The following RYR3 variants were observed in gnomAD, a reference collection of about 807,000 sequenced individuals.
RYR3 encodes brain ryanodine receptor-calcium release channel.
Under a neutral mutation model 584.3 loss-of-function variants are expected in RYR3, and 207 were observed. That is an observed-to-expected ratio of 0.35 (90% CI 0.32 to 0.40). The LOEUF is 0.40. Ranked by LOEUF, RYR3 falls within the 10% of genes least tolerant of loss-of-function variation. RYR3 has a pLI of 1.00. For synonymous variants in RYR3, 2,416 were observed against 2,248.5 expected, an observed-to-expected ratio of 1.07 and a Z score of -2.11; for missense variants, 5,616 against 6,089.2, an observed-to-expected ratio of 0.92 and a Z score of 2.59.
chr15:33,315,855 G>A (rs147636238), intron 1 of RYR3, among the ~76,000 whole-genome samples: 1 of 152,332 alleles, frequency 6.6e-6, no homozygotes, highest in Non-Finnish European at 1.5e-5. Flanking sequence ...TGATCTCCTG[G>A]GAAGGAGGTG....
chr15:33,783,685 G>A (rs567869913), intron 65 of RYR3, among the ~76,000 whole-genome samples: 1 of 152,206 alleles, frequency 6.6e-6, no homozygotes, highest in Non-Finnish European at 1.5e-5. Context: ...TATGGCAGTG[G>A]CATTGTTCTG....
At chr15:33,756,896 G>A (rs377649238) in intron 59 of RYR3, among the ~76,000 whole-genome samples, 1 of 152,248 alleles carries the variant, frequency 6.6e-6, no homozygotes, top group East Asian at 1.9e-4. Flanking sequence ...GAAGGCACAG[G>A]ACCTGTTTAA....
intron 18 of RYR3, among the ~76,000 whole-genome samples, chr15:33,609,253 A>C (rs1417278686): frequency 2.0e-5 from 3 of 152,264 alleles, no homozygotes; most frequent in Admixed American, 6.5e-5. Flanking sequence ...GGTCTTCCTC[A>C]GTTCACAAAT....
intron 45 of RYR3, among the ~76,000 whole-genome samples, chr15:33,724,835 A>T (rs1325463829): frequency 1.3e-5 from 2 of 152,114 alleles, no homozygotes; most frequent in African/African-American, 4.8e-5. Context: ...CTGAATTCCT[A>T]GGATTCCAAT....
At chr15:33,347,547 T>C (rs1020209735) in intron 1 of RYR3, among the ~76,000 whole-genome samples, 7 of 151,648 alleles carry the variant, frequency 4.6e-5, no homozygotes, top group Admixed American at 3.9e-4. Flanking sequence ...CCCGGGGTCA[T>C]GCCATTCTCC....
chr15:33,756,645 G>T (rs541785900), intron 59 of RYR3, among the ~76,000 whole-genome samples: 3 of 152,132 alleles, frequency 2.0e-5, no homozygotes, highest in Non-Finnish European at 4.4e-5. Flanking sequence ...GCGTGGTTCA[G>T]ACAGGCTCAC....
intron 98 of RYR3, 90 bp downstream of exon 98, chr15:33,855,002 G>C: frequency 7.8e-7 from 1 of 1,274,960 alleles, no homozygotes; most frequent in Non-Finnish European, 1.0e-6. Context: ...TGACAGGAAG[G>C]AATATGTCTT....
chr15:33,697,592 C>G (rs1470933325), intron 39 of RYR3, among the ~76,000 whole-genome samples: 2 of 151,988 alleles, frequency 1.3e-5, no homozygotes, highest in Non-Finnish European at 2.9e-5. Context: ...TCATTGATAT[C>G]TAAAATTATT....
intron 16 of RYR3, among the ~76,000 whole-genome samples, chr15:33,598,179 T>A: frequency 1.1e-5 from 1 of 90,116 alleles, no homozygotes; most frequent in Non-Finnish European, 2.0e-5. Context: ...ATAACTATTT[T>A]AATTACAAAA....
At chr15:33,813,317 A>G (rs1414032649) in intron 73 of RYR3, 150 bp from the exon 74 acceptor site, 3 of 677,236 alleles carry the variant, frequency 4.4e-6, no homozygotes, top group South Asian at 3.8e-5. Flanking sequence ...GACTTTCACA[A>G]CTGAAATCAT....
intron 55 of RYR3, among the ~76,000 whole-genome samples, chr15:33,749,097 C>T (rs546000152): frequency 3.3e-5 from 5 of 152,202 alleles, no homozygotes; most frequent in South Asian, 2.1e-4. Context: ...AGATGCAGAA[C>T]GCATGGTTAA....
chr15:33,580,413 C>G (rs1274849587), intron 13 of RYR3, among the ~76,000 whole-genome samples: 3 of 152,150 alleles, frequency 2.0e-5, no homozygotes, highest in African/African-American at 7.2e-5. Flanking sequence ...TAAATTTCAG[C>G]TGTGAGAGCA....
intron 55 of RYR3, among the ~76,000 whole-genome samples, chr15:33,749,044 AT>A (rs2071025127): frequency 6.6e-6 from 1 of 152,164 alleles, no homozygotes; most frequent in Admixed American, 6.6e-5. Context: ...GTACAGACAC[AT>A]TTTTTTCCAA....
chr15:33,527,890 G>A (rs960344733), intron 3 of RYR3, among the ~76,000 whole-genome samples: 9 of 152,272 alleles, frequency 5.9e-5, no homozygotes, highest in African/African-American at 1.9e-4. Context: ...GGTGGCAATA[G>A]AATGGACTAG....
chr15:33,382,273 A>G (rs992223266), intron 1 of RYR3, among the ~76,000 whole-genome samples: 3 of 150,420 alleles, frequency 2.0e-5, no homozygotes, highest in African/African-American at 7.3e-5. Flanking sequence ...GCATTAGTAT[A>G]GGTACCAACA....
At chr15:33,839,852 C>G (rs1181167334) in intron 89 of RYR3, 1 of 152,202 alleles carries the variant, frequency 6.6e-6, no homozygotes, top group Non-Finnish European at 1.5e-5. Context: ...TCAGAATCAG[C>G]ATTCCCACAA....
intron 16 of RYR3, among the ~76,000 whole-genome samples, chr15:33,587,691 G>C (rs2058924922): frequency 6.6e-6 from 1 of 152,180 alleles, no homozygotes; most frequent in South Asian, 2.1e-4. Flanking sequence ...GTACATAAGA[G>C]TCTTTTCAAA....
intron 36 of RYR3, among the ~76,000 whole-genome samples, chr15:33,664,614 T>TATATATATATATATATATATATACAC (rs1491296584): frequency 3.3e-5 from 4 of 120,532 alleles, no homozygotes; most frequent in East Asian, 2.3e-4. Context: ...TATATATATA[T>TATATATATATATATATATATATACAC]ACGTATGTAT....
intron 52 of RYR3, among the ~76,000 whole-genome samples, 191 bp downstream of exon 52, chr15:33,742,635 G>T (rs1441727158): frequency 6.6e-6 from 1 of 152,180 alleles, no homozygotes; most frequent in Non-Finnish European, 1.5e-5. Context: ...GCAGCTGCTG[G>T]TGTTGCTTTT....
Sources: gnomAD v4.1 joint callset for allele counts (sites outside exome capture counted in the v4.1 genomes callset) on GRCh38, gnomAD v4.1.1 for gene constraint, MANE v1.5 for transcripts, NCBI Gene and HGNC (gene_info 2026-07-23, HGNC 2026-07-21) for gene names.